Variants in MAN1A2 observed in about 807,000 individuals in gnomAD.
MAN1A2 encodes the protein mannosidase alpha class 1A member 2.
Under a neutral mutation model 75.7 loss-of-function variants are expected in MAN1A2, and 26 were observed. The ratio of observed to expected loss-of-function variants is 0.34; its 90% CI spans 0.25 to 0.48. The LOEUF is 0.48. Ranked by LOEUF, MAN1A2 falls within the 20% of genes least tolerant of loss-of-function variation. The pLI is 0.99. For synonymous variants in MAN1A2, 247 were observed against 264.6 expected, an observed-to-expected ratio of 0.93 and a Z score of 0.65; for missense variants, 562 against 775.5, an observed-to-expected ratio of 0.72 and a Z score of 3.27.
intron 8 of MAN1A2, among the ~76,000 whole-genome samples, chr1:117,492,450 A>G (rs1650910672): frequency 6.6e-6 from 1 of 152,120 alleles, no homozygotes; most frequent in South Asian, 2.1e-4. Context: ...TAGTGCTGTC[A>G]ACACAACTTT....
intron 6 of MAN1A2, among the ~76,000 whole-genome samples, chr1:117,445,317 C>T (rs1478095002): frequency 2.0e-5 from 3 of 151,816 alleles, no homozygotes; most frequent in Admixed American, 2.0e-4. Context: ...TTTGGAATGC[C>T]TTTGTCAGAT....
At chr1:117,461,750 T>C (rs906087176) in intron 7 of MAN1A2, among the ~76,000 whole-genome samples, 5 of 152,110 alleles carry the variant, frequency 3.3e-5, no homozygotes, top group African/African-American at 1.2e-4. Flanking sequence ...TGGAGAGATA[T>C]CGTATTTATA....
intron 6 of MAN1A2, among the ~76,000 whole-genome samples, chr1:117,450,997 A>G (rs146326536): frequency 2.3e-3 from 353 of 152,352 alleles, no homozygotes; most frequent in Non-Finnish European, 2.2e-3. Flanking sequence ...GAAGAGGGCA[A>G]CTGTCCTCCA....
chr1:117,515,996 C>G (rs1302611952), intron 12 of MAN1A2: 1 of 151,986 alleles, frequency 6.6e-6, no homozygotes, highest in Non-Finnish European at 1.5e-5. Context: ...AGATAAAATG[C>G]AAAGCACTCA....
intron 8 of MAN1A2, among the ~76,000 whole-genome samples, chr1:117,477,493 C>T (rs1650357622): frequency 6.6e-6 from 1 of 151,942 alleles, no homozygotes; most frequent in Non-Finnish European, 1.5e-5. Flanking sequence ...ATACACAAAT[C>T]AATAAACATA....
chr1:117,390,802 G>A (rs1653691708), intron 1 of MAN1A2, among the ~76,000 whole-genome samples: 1 of 151,394 alleles, frequency 6.6e-6, no homozygotes. Context: ...GGCATTTAGT[G>A]CTATGAATTT....
At chr1:117,493,588 C>A (rs1650950877) in intron 9 of MAN1A2, 2 of 169,918 alleles carry the variant, frequency 1.2e-5, no homozygotes, top group South Asian at 2.7e-4. Flanking sequence ...CAAGACCAGC[C>A]TGGCCAACAT....
chr1:117,507,809 T>C (rs533862528), intron 12 of MAN1A2, among the ~76,000 whole-genome samples: 1 of 151,752 alleles, frequency 6.6e-6, no homozygotes, highest in Non-Finnish European at 1.5e-5. Context: ...GGTACTACTG[T>C]CCCCTCTCCA....
At chr1:117,374,895 A>C (rs931660244) in intron 1 of MAN1A2, among the ~76,000 whole-genome samples, 10 of 152,338 alleles carry the variant, frequency 6.6e-5, no homozygotes, top group African/African-American at 2.2e-4. Context: ...TTTGTATATA[A>C]AAATTAGTTT....
chr1:117,447,366 T>G (rs2101819713), intron 6 of MAN1A2, among the ~76,000 whole-genome samples: 1 of 152,260 alleles, frequency 6.6e-6, no homozygotes, highest in Admixed American at 6.5e-5. Flanking sequence ...TAGTGAACTA[T>G]TAGATTATTT....
intron 5 of MAN1A2, among the ~76,000 whole-genome samples, chr1:117,435,137 A>G (rs1006695723): frequency 6.6e-6 from 1 of 152,078 alleles, no homozygotes; most frequent in East Asian, 1.9e-4. Flanking sequence ...GAGAGATGTA[A>G]TGGGTCTGGT....
intron 6 of MAN1A2, among the ~76,000 whole-genome samples, chr1:117,444,683 G>A (rs1199714583): frequency 6.6e-6 from 1 of 151,854 alleles, no homozygotes; most frequent in Non-Finnish European, 1.5e-5. Context: ...TTGGTGAATT[G>A]TCTATTCCTA....
At chr1:117,426,353 T>C (rs200924328) in intron 5 of MAN1A2, among the ~76,000 whole-genome samples, 1 of 152,116 alleles carries the variant, frequency 6.6e-6, no homozygotes, top group East Asian at 1.9e-4. Flanking sequence ...TGCCTGAGGT[T>C]CTTTAAGCTG....
At chr1:117,421,078 A>G (rs769405141) in intron 5 of MAN1A2, among the ~76,000 whole-genome samples, 4 of 152,054 alleles carry the variant, frequency 2.6e-5, no homozygotes, top group Admixed American at 6.6e-5. Context: ...TATAAATAAT[A>G]ACAACTCTGA....
rs960910456 is a variant in MAN1A2 at position 117,525,723 on chromosome 1, G to A, written c.*2766G>A. On this transcript the variant is annotated 3_prime_UTR_variant, in exon 13 of 13. Coordinates refer to ENST00000356554, the MANE Select transcript of MAN1A2 (RefSeq NM_006699.5). ...TTCATTTTAGAATCACACTTTTTAT[G>A]TTAAACCAGATTATTATTATTATTA... The A allele has an allele frequency of 2.6e-5, 4 of 151,710 alleles. No homozygotes were observed. The highest frequency in any genetic ancestry group is 7.2e-5 in the African/African-American group (3 of 41,438). 9.4% of individuals were successfully genotyped at this position (151,710 alleles called of 1,614,324 possible). A position where few individuals can be genotyped will look rare whatever the true frequency, so the allele number is the denominator to read the frequency against.
At chr1:117,434,708 A>G (rs1648793734) in intron 5 of MAN1A2, among the ~76,000 whole-genome samples, 1 of 151,564 alleles carries the variant, frequency 6.6e-6, no homozygotes, top group African/African-American at 2.4e-5. Context: ...TGATGTATTC[A>G]GTGACTAAAG....
At chr1:117,482,590 GT>G (rs567343893) in intron 8 of MAN1A2, among the ~76,000 whole-genome samples, 2 of 151,580 alleles carry the variant, frequency 1.3e-5, no homozygotes, top group Non-Finnish European at 2.9e-5. Context: ...TGATGGGGTT[GT>G]TTTTTTTCTT....
chr1:117,450,773 C>A (rs982689877), intron 6 of MAN1A2, among the ~76,000 whole-genome samples: 13 of 152,216 alleles, frequency 8.5e-5, no homozygotes, highest in African/African-American at 3.1e-4. Flanking sequence ...GGTGTTGAGC[C>A]TGCCAGTGCA....
At chr1:117,478,286 T>C (rs1650384111) in intron 8 of MAN1A2, among the ~76,000 whole-genome samples, 1 of 151,970 alleles carries the variant, frequency 6.6e-6, no homozygotes, top group Non-Finnish European at 1.5e-5. Flanking sequence ...CATTATTTTC[T>C]TAATTGTTGA....
Sources: allele counts gnomAD v4.1 joint callset (sites outside exome capture counted in the v4.1 genomes callset), GRCh38; gene constraint gnomAD v4.1.1; transcripts MANE v1.5; gene names NCBI Gene and HGNC (gene_info 2026-07-23, HGNC 2026-07-21).